SSX3: variants seen among roughly 807,000 people sequenced by gnomAD.
SSX3 encodes SSX family member 3.
SSX3 carries 6 observed loss-of-function variants against 14.8 expected under a neutral mutation model. The ratio of observed to expected loss-of-function variants is 0.41; its 90% CI spans 0.22 to 0.80. SSX3 has a LOEUF of 0.80. Ranked by LOEUF, SSX3 falls within the 30% of genes least tolerant of loss-of-function variation. The pLI is 0.34. For missense variants in SSX3, 163 were observed against 152.2 expected (o/e 1.07, Z -0.37); for synonymous variants, 55 against 52.9 (o/e 1.04, Z -0.18).
In SSX3 at chrX:48,354,090, G is replaced by A. The variant is rs782078904; in HGVS notation, c.189C>T (p.Phe63=). ...GCATGAAAGATGGGAGGATGGCCTT[G>A]AAACCTAGAAAGAAGCAAAATGTTT... is the stretch of plus-strand genomic sequence containing the variant. ...RKYEAMTKLG[F]KAILPSFMRN... is the part of the protein sequence containing the mutation. Residue 63 remains phenylalanine, a synonymous_variant, in exon 4 of 8, where the codon TTC becomes TTT. Transcript: ENST00000298396. 9 of 1,204,660 alleles carry A rather than the reference G, an allele frequency of 7.5e-6. No homozygotes were observed. In the South Asian group the frequency reaches 1.2e-4, roughly 17 times the overall value.
In SSX3 at chrX:48,347,008, A is replaced by T; in HGVS notation, c.*32T>A. On this transcript the variant is annotated 3_prime_UTR_variant, in exon 8 of 8. Transcript: ENST00000298396. The stretch of plus-strand genomic sequence containing the variant: ...GAAAGGTCACCACGTTCTGCTTCTC[A>T]TCATGGGCATGTGTCATATCCCCAA... 3 of 1,198,145 alleles carry T rather than the reference A, an allele frequency of 2.5e-6. No homozygotes were observed. Among genetic ancestry groups the T allele is most frequent in the Non-Finnish European group, 3.4e-6 (3 of 895,290 alleles).
chrX:48,349,744 A>T, intron 6 of SSX3: 1 of 1,137,245 alleles, frequency 8.8e-7, no homozygotes, highest in East Asian at 3.0e-5. Flanking sequence ...CATCTTATGG[A>T]CTAGGAACCT....
intron 5 of SSX3, 57 bp downstream of exon 5, chrX:48,352,043 T>C (rs782023557): frequency 1.9e-5 from 22 of 1,167,635 alleles, no homozygotes; most frequent in Non-Finnish European, 2.6e-5. Flanking sequence ...CTTACCAGTG[T>C]TCGCATCCTT....
At chrX:48,349,488 T>A in intron 6 of SSX3, 2 of 1,195,151 alleles carry the variant, frequency 1.7e-6, no homozygotes, top group Non-Finnish European at 2.3e-6. Flanking sequence ...CACTGTAGTG[T>A]AAACATAACG....
chrX:48,348,658 C>A (rs1361245994), intron 6 of SSX3, among the ~76,000 whole-genome samples: 3 of 112,287 alleles, frequency 2.7e-5, no homozygotes, highest in Non-Finnish European at 5.6e-5. Flanking sequence ...AAGAAAAGTT[C>A]TTGAAGGAAA....
chrX:48,354,031 T>A lies in SSX3; in HGVS notation c.248A>T (p.Asp83Val). The change falls in exon 4 of 8, where the codon GAT becomes GTT. Residue 83 changes from aspartate (D) to valine (V), a missense_variant. By Grantham distance (152) the Asp-to-Val change is radical (BLOSUM62 -3). Transcript: ENST00000298396. ...NKRVTDFQGN[D>V]FDNDPNRGNQ... ...CCCACGGTTAGGGTCATTATCAAAA[T>A]CATTCCCCTGGAAGTCTGTGACCCG... is the stretch of plus-strand genomic sequence containing the variant. The A allele has an allele frequency of 1.7e-6, 2 of 1,209,955 alleles. No homozygotes were observed. The highest frequency in any genetic ancestry group is 3.5e-5 in the South Asian group (2 of 56,888).
At chrX:48,354,263 GA>G (rs1601986964) in intron 3 of SSX3, among the ~76,000 whole-genome samples, 169 bp from the exon 4 acceptor site, 1 of 100,377 alleles carries the variant, frequency 1.0e-5, no homozygotes, top group Non-Finnish European at 2.0e-5. Flanking sequence ...TAGCCTAGGT[GA>G]CAGATTCAGA....
At chrX:48,348,736 C>T (rs782212047) in intron 6 of SSX3, among the ~76,000 whole-genome samples, 178 of 112,300 alleles carry the variant, frequency 1.6e-3, no homozygotes, top group African/African-American at 5.4e-3. Flanking sequence ...AGTGAACACA[C>T]GAATAAGAAA....
intron 2 of SSX3, 141 bp downstream of exon 2, chrX:48,355,040 G>C (rs2061280495): frequency 2.5e-6 from 3 of 1,203,709 alleles, no homozygotes; most frequent in East Asian, 3.0e-5. Flanking sequence ...GACAGAGTGA[G>C]GGTGGGAGGC....
At chrX:48,349,839 C>T in intron 6 of SSX3, 148 bp downstream of exon 6, 1 of 1,144,868 alleles carries the variant, frequency 8.7e-7, no homozygotes, top group Non-Finnish European at 1.2e-6. Context: ...CTCTGGAAGT[C>T]ATGTCTAACA....
At chrX:48,350,771 CTTT>C (rs374614128) in intron 5 of SSX3, among the ~76,000 whole-genome samples, 1 of 96,360 alleles carries the variant, frequency 1.0e-5, no homozygotes. Flanking sequence ...CTTTCTTTTT[CTTT>C]TTTTTTTTTT....
At chrX:48,350,576 A>G (rs1556949512) in intron 5 of SSX3, among the ~76,000 whole-genome samples, 1 of 110,580 alleles carries the variant, frequency 9.0e-6, no homozygotes, top group East Asian at 2.8e-4. Context: ...GTGTGGGGAG[A>G]TGAACACAAG....
intron 2 of SSX3, 120 bp from the exon 3 acceptor site, chrX:48,354,866 C>T (rs2061279537): frequency 2.2e-5 from 26 of 1,192,920 alleles, no homozygotes; most frequent in Middle Eastern, 2.4e-4. Context: ...CTGGTTGATG[C>T]CACGGCTAAC....
chrX:48,351,700 T>A (rs1300456127), intron 5 of SSX3, among the ~76,000 whole-genome samples: 3 of 112,366 alleles, frequency 2.7e-5, no homozygotes, highest in African/African-American at 9.7e-5. Context: ...ATCTAAAACA[T>A]AAACTATAAT....
At chrX:48,350,197 T>C in intron 5 of SSX3, 75 bp from the exon 6 acceptor site, 1 of 1,168,848 alleles carries the variant, frequency 8.6e-7, no homozygotes, top group Non-Finnish European at 1.2e-6. Context: ...CAAAGGGTCT[T>C]CACATGCATT....
chrX:48,348,035 T>C (rs1239806586), intron 6 of SSX3, among the ~76,000 whole-genome samples: 1 of 112,634 alleles, frequency 8.9e-6, no homozygotes, highest in East Asian at 2.8e-4. Context: ...TGATCTGTGA[T>C]CAGTGAGCTT....
chrX:48,349,863 T>A, intron 6 of SSX3, 124 bp downstream of exon 6: 1 of 1,156,598 alleles, frequency 8.6e-7, no homozygotes, highest in East Asian at 3.0e-5. Flanking sequence ...CATCTGGAGC[T>A]GGGCAAGCTC....
At chrX:48,348,319 G>C (rs1404989369) in intron 6 of SSX3, 1 of 508,709 alleles carries the variant, frequency 2.0e-6, no homozygotes. Flanking sequence ...GTGTGTAATT[G>C]TTTTGGGGGT....
chrX:48,353,873 A>ATT, intron 4 of SSX3, 126 bp downstream of exon 4: 6 of 617,855 alleles, frequency 9.7e-6, no homozygotes, highest in Non-Finnish European at 1.3e-5. Flanking sequence ...TCTGCATGCA[A>ATT]TTTTTTTTTT....
Sources: gnomAD v4.1 joint callset for allele counts (sites outside exome capture counted in the v4.1 genomes callset) on GRCh38, gnomAD v4.1.1 for gene constraint, MANE v1.5 for transcripts, NCBI Gene and HGNC (gene_info 2026-07-23, HGNC 2026-07-21) for gene names.